The following LUZP2 variants were observed in gnomAD, a reference collection of about 807,000 sequenced individuals.
LUZP2 encodes the protein leucine zipper protein 2.
Under a neutral mutation model 51.6 loss-of-function variants are expected in LUZP2, and 52 were observed. The ratio of observed to expected loss-of-function variants is 1.01; its 90% CI spans 0.81 to 1.27. The LOEUF (loss-of-function observed/expected upper bound fraction) is 1.27. LUZP2 is among the 50% of genes most tolerant of loss of function. The pLI is 0.00. For missense variants in LUZP2, 436 were observed against 395.4 expected (o/e 1.10, Z -0.87); for synonymous variants, 154 against 137.3 (o/e 1.12, Z -0.85).
chr11:24,593,228 C>T (rs79542501), intron 1 of LUZP2, among the ~76,000 whole-genome samples: 181 of 152,238 alleles, frequency 1.2e-3, no homozygotes, highest in African/African-American at 4.3e-3. Context: ...TTTTATTACT[C>T]TCTATCTTAT....
chr11:24,660,190 G>A (rs1470686760), intron 1 of LUZP2, among the ~76,000 whole-genome samples: 1 of 152,146 alleles, frequency 6.6e-6, no homozygotes, highest in Non-Finnish European at 1.5e-5. Flanking sequence ...AACCTGGTTT[G>A]AAGGCAATCT....
chr11:24,915,941 TAC>T (rs1293281310), intron 7 of LUZP2, among the ~76,000 whole-genome samples: 1 of 152,178 alleles, frequency 6.6e-6, no homozygotes, highest in Non-Finnish European at 1.5e-5. Flanking sequence ...CTATTTCACA[TAC>T]TTTCCCCTTA....
intron 4 of LUZP2, among the ~76,000 whole-genome samples, chr11:24,747,778 T>A (rs1167588200): frequency 6.6e-6 from 1 of 152,012 alleles, no homozygotes; most frequent in African/African-American, 2.4e-5. Flanking sequence ...ACTGGAGTTG[T>A]GTACCTAGGA....
intron 4 of LUZP2, among the ~76,000 whole-genome samples, chr11:24,749,517 A>T (rs1045361667): frequency 7.2e-5 from 11 of 152,084 alleles, no homozygotes; most frequent in African/African-American, 2.7e-4. Flanking sequence ...GGGGAGAAAG[A>T]CCTACCCTCA....
chr11:24,535,141 A>G (rs994587050), intron 1 of LUZP2, among the ~76,000 whole-genome samples: 29 of 151,378 alleles, frequency 1.9e-4, no homozygotes, highest in Admixed American at 1.3e-4. Context: ...ATTGCTTAAA[A>G]AAAAAAAAGG....
intron 1 of LUZP2, among the ~76,000 whole-genome samples, chr11:24,598,704 A>G (rs1458885038): frequency 6.6e-6 from 1 of 152,226 alleles, no homozygotes; most frequent in African/African-American, 2.4e-5. Flanking sequence ...GCCATCTTCA[A>G]AAATAGAGGC....
intron 9 of LUZP2, among the ~76,000 whole-genome samples, chr11:24,996,393 A>G (rs1430563136): frequency 2.0e-5 from 3 of 151,616 alleles, no homozygotes; most frequent in Non-Finnish European, 2.9e-5. Context: ...GAATGGATCT[A>G]ATGTAGCCTT....
intron 1 of LUZP2, among the ~76,000 whole-genome samples, chr11:24,522,823 T>A (rs1414442643): frequency 6.6e-6 from 1 of 152,248 alleles, no homozygotes; most frequent in Non-Finnish European, 1.5e-5. Flanking sequence ...ATAGTAAATA[T>A]ATTCTATAAT....
intron 1 of LUZP2, among the ~76,000 whole-genome samples, chr11:24,612,636 A>G (rs2133889542): frequency 6.6e-6 from 1 of 152,238 alleles, no homozygotes; most frequent in South Asian, 2.1e-4. Flanking sequence ...TTTAAAGATA[A>G]TAGATGATTA....
At chr11:25,068,173 G>A (rs562667243) in intron 10 of LUZP2, among the ~76,000 whole-genome samples, 181 of 151,984 alleles carry the variant, frequency 1.2e-3, no homozygotes, top group African/African-American at 4.3e-3. Flanking sequence ...TTGGGGGCTG[G>A]GGTCTAGGGA....
intron 10 of LUZP2, among the ~76,000 whole-genome samples, chr11:25,056,962 T>A (rs1245505818): frequency 6.6e-6 from 1 of 151,968 alleles, no homozygotes; most frequent in Non-Finnish European, 1.5e-5. Flanking sequence ...TAGCTGGGCG[T>A]GGTGGCAGGC....
At chr11:24,934,722 G>A (rs753088014) in intron 7 of LUZP2, among the ~76,000 whole-genome samples, 15 of 152,022 alleles carry the variant, frequency 9.9e-5, no homozygotes, top group African/African-American at 2.4e-4. Flanking sequence ...AATCTGACAC[G>A]CTGTGCCTAT....
chr11:24,673,888 A>G (rs1479250228), intron 1 of LUZP2, among the ~76,000 whole-genome samples: 1 of 152,082 alleles, frequency 6.6e-6, no homozygotes, highest in East Asian at 1.9e-4. Flanking sequence ...AACCATCTAA[A>G]TTTGTTTTCT....
Position 24,720,701 on chromosome 11 carries a change from GT to G in LUZP2, c.63-8464del, listed in dbSNP as rs1222957052. ...TTCAGACCTGTTCTTTTGTTTGTTTGTTTTGTTTTGTTTTGTTTTGAGACAG... is the reference window on the plus strand; with the variant it reads ...TTCAGACCTGTTCTTTTGTTTGTTTGTTTGTTTTGTTTTGTTTTGAGACAG... On this transcript the variant is annotated intron_variant, in intron 1 of 11. Coordinates refer to ENST00000336930, the MANE Select transcript of LUZP2 (RefSeq NM_001009909.4). 4.0e-5 allele frequency among the ~76,000 whole-genome samples: 6 copies of G among 151,880 alleles called. No homozygotes were observed. The East Asian group carries it at 1.2e-3, about 29-fold the overall frequency.
intron 1 of LUZP2, among the ~76,000 whole-genome samples, chr11:24,574,129 C>CT (rs1852528943): frequency 6.8e-6 from 1 of 146,774 alleles, no homozygotes; most frequent in Non-Finnish European, 1.5e-5. Flanking sequence ...TCTTCCTTTC[C>CT]TTTCTCTTTC....
intron 1 of LUZP2, among the ~76,000 whole-genome samples, chr11:24,674,233 C>T (rs1006606407): frequency 2.0e-5 from 3 of 152,114 alleles, no homozygotes; most frequent in African/African-American, 7.2e-5. Flanking sequence ...GTTCAAATGC[C>T]TGTCATGTGT....
At chr11:24,894,101 AATGAATATCTATG>A (rs1262801829) in intron 5 of LUZP2, among the ~76,000 whole-genome samples, 1 of 152,168 alleles carries the variant, frequency 6.6e-6, no homozygotes, top group Non-Finnish European at 1.5e-5. Context: ...CAGAGAAGTC[AATGAATATCTATG>A]AGTGAATAGA....
chr11:24,618,686 G>A (rs1262150941), intron 1 of LUZP2, among the ~76,000 whole-genome samples: 1 of 152,130 alleles, frequency 6.6e-6, no homozygotes, highest in African/African-American at 2.4e-5. Flanking sequence ...ACTTCCTTGA[G>A]TTCTAGATTC....
At chr11:24,760,044 G>A (rs976301477) in intron 4 of LUZP2, among the ~76,000 whole-genome samples, 14 of 152,060 alleles carry the variant, frequency 9.2e-5, no homozygotes, top group African/African-American at 3.4e-4. Flanking sequence ...GAAGTGGTGG[G>A]GAGCCAGTAG....
Sources: gnomAD v4.1 joint callset for allele counts (sites outside exome capture counted in the v4.1 genomes callset) on GRCh38, gnomAD v4.1.1 for gene constraint, MANE v1.5 for transcripts, NCBI Gene and HGNC (gene_info 2026-07-23, HGNC 2026-07-21) for gene names.